RARB: variants seen among roughly 807,000 people sequenced by gnomAD.
RARB encodes HBV-activated protein.
A neutral mutation model predicts 51.9 loss-of-function variants in RARB; 17 were observed. The observed-to-expected ratio is 0.33, with a 90% CI of 0.22 to 0.49. RARB has a LOEUF of 0.49. Among genes scored for constraint, RARB ranks in the 20% least tolerant of loss-of-function variants. RARB has a pLI of 0.99. For missense variants in RARB, 369 were observed against 550.8 expected, an observed-to-expected ratio of 0.67 and a Z score of 3.30; for synonymous variants, 215 against 195.4, an observed-to-expected ratio of 1.10 and a Z score of -0.84.
chr3:25,491,657 C>A (rs1460279773), intron 2 of RARB, among the ~76,000 whole-genome samples: 1 of 152,120 alleles, frequency 6.6e-6, no homozygotes, highest in African/African-American at 2.4e-5. Flanking sequence ...TTATTTAGGG[C>A]TGGGCGTGCG....
At chr3:25,473,414 A>G (rs1236344813) in intron 2 of RARB, among the ~76,000 whole-genome samples, 1 of 152,140 alleles carries the variant, frequency 6.6e-6, no homozygotes, top group South Asian at 2.1e-4. Context: ...GGCCGGCCCC[A>G]TTAGAGCCTT....
intron 3 of RARB, among the ~76,000 whole-genome samples, chr3:25,072,044 G>C (rs1298230778): frequency 6.6e-6 from 1 of 152,192 alleles, no homozygotes; most frequent in Admixed American, 6.5e-5. Context: ...TCTTTGCCCT[G>C]TGGCGGTTCT....
intron 3 of RARB, among the ~76,000 whole-genome samples, chr3:25,106,704 G>T (rs941021036): frequency 1.1e-4 from 16 of 150,732 alleles, no homozygotes; most frequent in Admixed American, 8.6e-4. Context: ...CATGCATATT[G>T]TAACACTTTC....
At chr3:25,201,745 G>T (rs139230621) in intron 5 of RARB, among the ~76,000 whole-genome samples, 3 of 152,046 alleles carry the variant, frequency 2.0e-5, no homozygotes, top group Non-Finnish European at 4.4e-5. Flanking sequence ...ATTGGTTTTC[G>T]TATGTTGAAC....
rs79989635 is a variant in RARB, at chr3:25,470,076, C to T, written c.306+8735C>T. ...AGCGTGCCATCATTTCAGCAATGCCCGGGTTGTAGACTAACCCTTTTGAGG... is the reference window on the plus strand; with the variant it reads ...AGCGTGCCATCATTTCAGCAATGCCTGGGTTGTAGACTAACCCTTTTGAGG... On this transcript the variant is annotated intron_variant, in intron 2 of 7. Coordinates refer to ENST00000330688, the MANE Select transcript of RARB (RefSeq NM_000965.5). Among the ~76,000 whole-genome samples the T allele has an allele frequency of 7.8e-3, 1,180 of 152,220 alleles. 20 individuals are homozygous for T. The highest frequency in any genetic ancestry group is 0.027 in the African/African-American group (1,131 of 41,542).
intron 2 of RARB, among the ~76,000 whole-genome samples, chr3:25,021,611 A>G (rs956326797): frequency 2.0e-5 from 3 of 152,152 alleles, no homozygotes; most frequent in African/African-American, 7.2e-5. Context: ...AAAATAAACA[A>G]TTCATCTTGG....
intron 5 of RARB, among the ~76,000 whole-genome samples, chr3:25,217,957 A>T (rs932814737): frequency 6.6e-6 from 1 of 152,148 alleles, no homozygotes; most frequent in African/African-American, 2.4e-5. Context: ...AAGCCCCATG[A>T]ATCCATATGG....
At chr3:24,844,928 T>A (rs1702467800) in intron 1 of RARB, among the ~76,000 whole-genome samples, 2 of 152,250 alleles carry the variant, frequency 1.3e-5, no homozygotes, top group African/African-American at 2.4e-5. Context: ...GTCTTGGAAA[T>A]ATGGTGAAAT....
chr3:25,241,964 C>G (rs1702442018), intron 5 of RARB, among the ~76,000 whole-genome samples: 1 of 152,222 alleles, frequency 6.6e-6, no homozygotes, highest in Non-Finnish European at 1.5e-5. Context: ...CACATCCTCT[C>G]CAGCATCTGT....
chr3:25,574,114 G>A (rs1470254821), intron 4 of RARB, among the ~76,000 whole-genome samples: 1 of 152,216 alleles, frequency 6.6e-6, no homozygotes, highest in Admixed American at 6.5e-5. Flanking sequence ...TTCCAAAATA[G>A]AATCAGGACT....
At chr3:25,062,029 A>AAC (rs1285019860) in intron 3 of RARB, among the ~76,000 whole-genome samples, 3 of 151,824 alleles carry the variant, frequency 2.0e-5, no homozygotes, top group Non-Finnish European at 3.0e-5. Context: ...TAGAATCAAG[A>AAC]ATCAATGATG....
intron 2 of RARB, among the ~76,000 whole-genome samples, chr3:25,023,238 C>T (rs1445370292): frequency 2.0e-5 from 3 of 152,110 alleles, no homozygotes; most frequent in Admixed American, 6.5e-5. Context: ...CCCTTGGGTA[C>T]AGGATTATAC....
intron 5 of RARB, among the ~76,000 whole-genome samples, chr3:25,319,127 A>G (rs1295635684): frequency 1.3e-5 from 2 of 152,194 alleles, no homozygotes; most frequent in Admixed American, 6.5e-5. Flanking sequence ...AAATTCTTAT[A>G]TGGCAAATGA....
intron 2 of RARB, among the ~76,000 whole-genome samples, chr3:25,463,271 A>G (rs1447033343): frequency 1.3e-5 from 2 of 152,170 alleles, no homozygotes; most frequent in Non-Finnish European, 2.9e-5. Context: ...AGACCACTGT[A>G]CTGCATGTCT....
intron 5 of RARB, among the ~76,000 whole-genome samples, chr3:25,284,852 A>T (rs1444928343): frequency 2.6e-5 from 4 of 152,188 alleles, no homozygotes; most frequent in Non-Finnish European, 4.4e-5. Flanking sequence ...AACATTTTGT[A>T]TATGTGGGTT....
At chr3:24,958,650 A>T (rs1696075072) in intron 2 of RARB, among the ~76,000 whole-genome samples, 1 of 152,198 alleles carries the variant, frequency 6.6e-6, no homozygotes. Flanking sequence ...CACTCTGAGA[A>T]GCAGAGAACT....
chr3:25,491,185 G>T (rs571757084), intron 2 of RARB, among the ~76,000 whole-genome samples: 2 of 152,038 alleles, frequency 1.3e-5, no homozygotes, highest in Non-Finnish European at 2.9e-5. Context: ...TCTTGAAACC[G>T]TGCGTAGATA....
At chr3:25,292,471 G>T (rs1224867606) in intron 5 of RARB, among the ~76,000 whole-genome samples, 1 of 152,170 alleles carries the variant, frequency 6.6e-6, no homozygotes, top group African/African-American at 2.4e-5. Context: ...TTCCTTTGAG[G>T]TGGGAAGAAG....
chr3:25,068,192 T>A (rs1336911979), intron 3 of RARB, among the ~76,000 whole-genome samples: 1 of 118,904 alleles, frequency 8.4e-6, no homozygotes, highest in African/African-American at 3.2e-5. Flanking sequence ...AGGATTAAAG[T>A]TCAACAGTCA....
Sources: gnomAD v4.1 joint callset for allele counts (sites outside exome capture counted in the v4.1 genomes callset) on GRCh38, gnomAD v4.1.1 for gene constraint, MANE v1.5 for transcripts, NCBI Gene and HGNC (gene_info 2026-07-23, HGNC 2026-07-21) for gene names.